HTR3A: variants seen among roughly 807,000 people sequenced by gnomAD.
HTR3A encodes 5-hydroxytryptamine (serotonin) receptor 3A, ionotropic.
In HTR3A, 45 loss-of-function variants were observed where a neutral mutation model predicts 54.8. The observed-to-expected ratio is 0.82, with a 90% confidence interval of 0.65 to 1.05. The LOEUF is 1.05. HTR3A is among the 50% of genes least tolerant of loss of function. The pLI, the probability that HTR3A is intolerant of heterozygous loss-of-function variation, is 0.00. For missense variants in HTR3A, 657 were observed against 614.0 expected, an observed-to-expected ratio of 1.07 and a Z score of -0.74; for synonymous variants, 297 against 256.0, an observed-to-expected ratio of 1.16 and a Z score of -1.53.
chr11:113,986,385 GGTCT>G, intron 6 of HTR3A, 129 bp from the exon 7 acceptor site: 2 of 1,118,190 alleles, frequency 1.8e-6, no homozygotes, highest in Non-Finnish European at 2.6e-6. Flanking sequence ...AGGGTATGGG[GGTCT>G]GTCTGTTTTC....
chr11:113,989,335 C>A lies in HTR3A; in HGVS notation c.1139-130C>A. The stretch of plus-strand genomic sequence containing the variant: ...CTTAGATCACACCACTGCCCTCCAG[C>A]CTGGGTGACAGAGTGAGAAAAAAAA... On this transcript the variant is annotated intron_variant, in intron 8 of 8. Coordinates refer to ENST00000504030, the MANE Select transcript of HTR3A (RefSeq NM_000869.6). This position sits in a 1 kb window ranked among gnomAD's most constrained non-coding sequence, Gnocchi z 4.4. 1 of 1,008,188 alleles carries A rather than the reference C, an allele frequency of 9.9e-7. No homozygotes were observed. Among genetic ancestry groups the A allele is most frequent in the South Asian group, 1.3e-5 (1 of 76,064 alleles). The allele number at this position is 1,008,188 out of a possible 1,614,324, so 62.5% of individuals were successfully genotyped here.
At position 113,983,169 on chromosome 11, in the gene HTR3A, C is replaced by T. The variant is rs778454392; in HGVS notation, c.424C>T (p.Gln142Ter). ...TATCCCGTACGTGTATATTCGGCAT[C>T]AAGGCGAAGTTCAGAACTACAAGCC... is the stretch of plus-strand genomic sequence containing the variant. ...PNIPYVYIRH[Q>*]GEVQNYKPLQ... is the part of the protein sequence containing the mutation. Residue 142 changes from glutamine to a stop codon, truncating the protein, a stop_gained, in exon 5 of 9, where the codon CAA (glutamine) becomes TAA (stop). Coordinates refer to ENST00000504030, the MANE Select transcript of HTR3A (RefSeq NM_000869.6). LOFTEE classifies it high-confidence loss of function. 6.2e-7 allele frequency: 1 copy of T among 1,614,098 alleles called. No individual in the cohort carries two copies. Among genetic ancestry groups the T allele is most frequent in the South Asian group, 1.1e-5 (1 of 91,090 alleles).
At chr11:113,981,166 AGGG>A (rs752390838) in intron 3 of HTR3A, 34 bp from the exon 4 acceptor site, 186 of 1,308,854 alleles carry the variant, frequency 1.4e-4, no homozygotes, top group Non-Finnish European at 2.0e-4. Flanking sequence ...CTGGAGATGG[AGGG>A]GGCTGCCTGT....
chr11:113,977,711 A>G, intron 1 of HTR3A, 60 bp from the exon 2 acceptor site: 2 of 1,589,544 alleles, frequency 1.3e-6, no homozygotes, highest in East Asian at 2.3e-5. Flanking sequence ...AAACCAGGAC[A>G]AGAGAACCGG....
chr11:113,984,701 G>A (rs1421273088), intron 5 of HTR3A, among the ~76,000 whole-genome samples: 1 of 152,100 alleles, frequency 6.6e-6, no homozygotes, highest in East Asian at 1.9e-4. Flanking sequence ...GGTGGATCAC[G>A]AGGTCATGAG....
chr11:113,979,394 C>A (rs1950394421), intron 3 of HTR3A, 117 bp downstream of exon 3: 1 of 779,640 alleles, frequency 1.3e-6, no homozygotes. Flanking sequence ...GAGGGGCACC[C>A]TCAGCCTGAG....
At chr11:113,976,370 G>T (rs561507547) in intron 1 of HTR3A, among the ~76,000 whole-genome samples, 1 of 152,050 alleles carries the variant, frequency 6.6e-6, no homozygotes, top group African/African-American at 2.4e-5. Flanking sequence ...CAGTCAATAG[G>T]ACCCAGGCTC....
At position 113,986,018 on chromosome 11, in the gene HTR3A, A is replaced by G; in HGVS notation, c.548A>G (p.Gln183Arg). The change falls in exon 6 of 9, where the codon CAG becomes CGG. Residue 183 changes from glutamine to arginine, a missense_variant. Transcript: ENST00000504030. ...GGCTTGCTTTATTCTCTCTCAGTCCAGGACATCAACATCTCTTTGTGGCGC... is the reference window on the plus strand; with the variant it reads ...GGCTTGCTTTATTCTCTCTCAGTCCGGGACATCAACATCTCTTTGTGGCGC... ...LTFTSWLHTI[Q>R]DINISLWRLP... 1 of 1,614,138 alleles carries G rather than the reference A, an allele frequency of 6.2e-7. No individual in the cohort carries two copies. Among genetic ancestry groups the G allele is most frequent in the Non-Finnish European group, 8.5e-7 (1 of 1,180,036 alleles).
At position 113,986,872 on chromosome 11, in the gene HTR3A, G is replaced by A. The variant is rs750245920; in HGVS notation, c.964G>A (p.Glu322Lys). 1.2e-5 allele frequency: 19 copies of A among 1,613,994 alleles called. No homozygotes were observed. The highest frequency in any genetic ancestry group is 2.2e-5 in the East Asian group (1 of 44,874). Residue 322 changes from glutamate (E) to lysine (K), a missense_variant, in exon 8 of 9, where the codon GAG becomes AAG. Coordinates refer to ENST00000504030, the MANE Select transcript of HTR3A (RefSeq NM_000869.6). ...GGCTCTGCTGGTGATAAGTTTGGCC[G>A]AGACCATCTTCATTGTGCGGCTGGT... is the stretch of plus-strand genomic sequence containing the variant. The part of the protein sequence containing the change: ...CMALLVISLA[E>K]TIFIVRLVHK...
At chr11:113,985,951 A>G in intron 5 of HTR3A, 64 bp from the exon 6 acceptor site, 1 of 1,576,022 alleles carries the variant, frequency 6.3e-7, no homozygotes, top group Non-Finnish European at 8.7e-7. Flanking sequence ...GTGTCCCATC[A>G]TCACAGGGTC....
At chr11:113,987,804 C>T (rs1950510369) in intron 8 of HTR3A, among the ~76,000 whole-genome samples, 1 of 152,198 alleles carries the variant, frequency 6.6e-6, no homozygotes, top group African/African-American at 2.4e-5. Flanking sequence ...ACCTATGAGG[C>T]AGAGAGACAT....
intron 1 of HTR3A, 151 bp from the exon 2 acceptor site, chr11:113,977,620 C>A: frequency 6.7e-7 from 1 of 1,501,376 alleles, no homozygotes; most frequent in Non-Finnish European, 9.1e-7. Flanking sequence ...AGACAAAATG[C>A]TCTAGTGGTG....
In HTR3A at chr11:113,986,909, A is replaced by G. The variant is rs771248803; in HGVS notation, c.1001A>G (p.Asp334Gly). The G allele has an allele frequency of 1.9e-6, 3 of 1,614,076 alleles. No individual in the cohort carries two copies. Among genetic ancestry groups the G allele is most frequent in the Non-Finnish European group, 2.5e-6 (3 of 1,180,026 alleles). ...IFIVRLVHKQ[D>G]LQQPVPAWLR... ...ATTGTGCGGCTGGTGCACAAGCAAG[A>G]CCTGCAGCAGCCCGTGCCTGCTTGG... is the stretch of plus-strand genomic sequence containing the variant. The change falls in exon 8 of 9, where the codon GAC becomes GGC. Residue 334 changes from aspartate to glycine, a missense_variant. Physicochemically the swap from Asp to Gly is moderately conservative, Grantham distance 94. Transcript: ENST00000504030.
At position 113,989,764 on chromosome 11, in the gene HTR3A, G is replaced by A; in HGVS notation, c.*1G>A. 6.2e-7 allele frequency: 1 copy of A among 1,609,016 alleles called. No homozygotes were observed. Among genetic ancestry groups the A allele is most frequent in the Non-Finnish European group, 8.5e-7 (1 of 1,179,974 alleles). The stretch of plus-strand genomic sequence containing the variant: ...CTGGTCCATCTGGCAGTACGCTTGA[G>A]TGGGTACAGCCCAGTGGAGGAGGGG... On this transcript the variant is annotated 3_prime_UTR_variant, in exon 9 of 9. Transcript: ENST00000504030. The surrounding 1 kb of genome is among the most constrained non-coding windows in gnomAD (Gnocchi z 4.4).
chr11:113,988,485 G>T (rs1263370402), intron 8 of HTR3A, among the ~76,000 whole-genome samples: 1 of 152,326 alleles, frequency 6.6e-6, no homozygotes, highest in East Asian at 1.9e-4. Context: ...ATAGTTGGCT[G>T]GGCACAGTGG....
chr11:113,985,607 C>T (rs1219291062), intron 5 of HTR3A, among the ~76,000 whole-genome samples: 1 of 152,020 alleles, frequency 6.6e-6, no homozygotes, highest in Non-Finnish European at 1.5e-5. Context: ...ATAGGCAGTT[C>T]CATCAAGGCA....
rs751071162 is a variant in HTR3A, at chr11:113,986,601, C to T, written c.789C>T (p.Gly263=). The T allele has an allele frequency of 4.3e-6, 7 of 1,613,572 alleles. No homozygotes were observed. Among genetic ancestry groups the T allele is most frequent in the East Asian group, 4.5e-5 (2 of 44,882 alleles). The change falls in exon 7 of 9, where the codon GGC becomes GGT. Residue 263 remains glycine, a synonymous_variant. Coordinates refer to ENST00000504030, the MANE Select transcript of HTR3A (RefSeq NM_000869.6). ...TCCTCATGGTCATGGACATCGTGGG[C>T]TTCTACCTGCCCCCCAACAGTGGCG... ...SIFLMVMDIV[G]FYLPPNSGER... is the part of the protein sequence containing the mutation.
At chr11:113,981,374 C>T in intron 4 of HTR3A, 62 bp downstream of exon 4, 1 of 975,482 alleles carries the variant, frequency 1.0e-6, no homozygotes, top group South Asian at 1.3e-5. Flanking sequence ...AGCCCGGGGA[C>T]AGAGAGACAA....
chr11:113,975,108 G>C lies in HTR3A; in HGVS notation c.-218G>C, dbSNP rs1475624995. On this transcript the variant is annotated 5_prime_UTR_variant, in exon 1 of 9. Transcript: ENST00000504030. ...TGTCCCCTCCCCTTTCCTCCCGCCT[G>C]AAACATGATCCAGCTGAAGGACTGA... 1 of 696,076 alleles carries C rather than the reference G, an allele frequency of 1.4e-6. No individual in the cohort carries two copies. Among genetic ancestry groups the C allele is most frequent in the Admixed American group, 2.0e-5 (1 of 49,866 alleles). 43.1% of individuals were successfully genotyped at this position (696,076 alleles called of 1,614,324 possible). A position where few individuals can be genotyped will look rare whatever the true frequency, so the allele number is the denominator to read the frequency against.
Sources: gnomAD v4.1 joint callset for allele counts (sites outside exome capture counted in the v4.1 genomes callset) on GRCh38, gnomAD v4.1.1 for gene constraint, Gnocchi (gnomAD v3.1) non-coding constraint, MANE v1.5 for transcripts, NCBI Gene and HGNC (gene_info 2026-07-23, HGNC 2026-07-21) for gene names.